The following ST6GALNAC3 variants were observed in gnomAD, a reference collection of about 807,000 sequenced individuals.
ST6GALNAC3 encodes the protein ST6 N-acetylgalactosaminide alpha-2,6-sialyltransferase 3.
In ST6GALNAC3, 25 loss-of-function variants were observed where a neutral mutation model predicts 32.7. The observed-to-expected ratio is 0.76, with a 90% confidence interval of 0.56 to 1.07. The LOEUF (loss-of-function observed/expected upper bound fraction) is 1.07. ST6GALNAC3 is among the 50% of genes least tolerant of loss of function. The probability of loss-of-function intolerance (pLI) is 0.00; values close to 1 mark genes in which losing one functional copy is unlikely to be tolerated. For missense variants in ST6GALNAC3, 355 were observed against 382.4 expected (o/e 0.93, Z 0.60); for synonymous variants, 129 against 133.1 (o/e 0.97, Z 0.21).
intron 3 of ST6GALNAC3, among the ~76,000 whole-genome samples, chr1:76,538,260 G>T (rs1377263798): frequency 6.6e-6 from 1 of 152,058 alleles, no homozygotes; most frequent in Non-Finnish European, 1.5e-5. Context: ...CAGAACCAAA[G>T]ACAAAAACCA....
In ST6GALNAC3 at chr1:76,183,951, T is replaced by A. The variant is rs919954724; in HGVS notation, c.18+109067T>A. ...ATATATATACATATACATAAATACA[T>A]AGCCCCACTTCTTCAGTCATGTGAA... is the stretch of plus-strand genomic sequence containing the variant. On this transcript the variant is annotated intron_variant, in intron 1 of 4. Transcript: ENST00000328299. Among the ~76,000 whole-genome samples the A allele has an allele frequency of 7.3e-5, 11 of 150,490 alleles. No homozygotes were observed. The East Asian group carries it at 2.1e-3, about 29-fold the overall frequency.
At chr1:76,339,367 G>A (rs1276995788) in intron 2 of ST6GALNAC3, among the ~76,000 whole-genome samples, 1 of 152,174 alleles carries the variant, frequency 6.6e-6, no homozygotes, top group East Asian at 1.9e-4. Context: ...AAGGAGCCAT[G>A]AGCCAGGCAT....
intron 1 of ST6GALNAC3, among the ~76,000 whole-genome samples, chr1:76,263,253 T>C (rs1021144636): frequency 2.0e-5 from 3 of 152,190 alleles, no homozygotes; most frequent in African/African-American, 7.2e-5. Flanking sequence ...GGATGGTCCT[T>C]GTAAGATACT....
At chr1:76,317,907 C>G (rs3862903) in intron 2 of ST6GALNAC3, among the ~76,000 whole-genome samples, 5,011 of 152,028 alleles carry the variant, frequency 0.033, 277 homozygotes, top group African/African-American at 0.11. Flanking sequence ...AAATCTGATT[C>G]TTTAGTTATC....
At chr1:76,441,629 A>G (rs1656614035) in intron 3 of ST6GALNAC3, among the ~76,000 whole-genome samples, 1 of 152,154 alleles carries the variant, frequency 6.6e-6, no homozygotes, top group African/African-American at 2.4e-5. Context: ...AAACAATCCA[A>G]TTACACTCTT....
intron 1 of ST6GALNAC3, among the ~76,000 whole-genome samples, chr1:76,142,609 C>T (rs1650399542): frequency 6.6e-6 from 1 of 152,164 alleles, no homozygotes; most frequent in Non-Finnish European, 1.5e-5. Flanking sequence ...GAAGGGAAGA[C>T]AGTCATCTTT....
intron 1 of ST6GALNAC3, among the ~76,000 whole-genome samples, chr1:76,109,166 G>A (rs1434405106): frequency 6.6e-6 from 1 of 152,090 alleles, no homozygotes; most frequent in Admixed American, 6.5e-5. Context: ...GGTTTATGTC[G>A]CAGACTTGCT....
intron 1 of ST6GALNAC3, among the ~76,000 whole-genome samples, chr1:76,247,242 CT>C (rs1657314714): frequency 6.6e-6 from 1 of 152,194 alleles, no homozygotes; most frequent in African/African-American, 2.4e-5. Context: ...CTATCGACCC[CT>C]GTCAGGAGGT....
chr1:76,598,741 A>T lies in ST6GALNAC3; in HGVS notation c.624-28711A>T, dbSNP rs917958889. Among the ~76,000 whole-genome samples the T allele has an allele frequency of 6.6e-4, 100 of 151,406 alleles. 1 individual carries two copies. The highest frequency in any genetic ancestry group is 1.1e-3 in the African/African-American group (44 of 41,090). ...CTGCCATAAATGCTTCACAAATTAA[A>T]AAAAAAAAAATGGTAAGCCTCCGTT... On this transcript the variant is annotated intron_variant, in intron 3 of 4. Transcript: ENST00000328299.
At chr1:76,421,602 T>C (rs751837536) in intron 3 of ST6GALNAC3, among the ~76,000 whole-genome samples, 29 of 152,150 alleles carry the variant, frequency 1.9e-4, no homozygotes, top group Middle Eastern at 3.4e-3. Flanking sequence ...AAAACTCTCA[T>C]AAAACAACCT....
At chr1:76,372,953 A>T (rs1222975413) in intron 2 of ST6GALNAC3, among the ~76,000 whole-genome samples, 1 of 151,780 alleles carries the variant, frequency 6.6e-6, no homozygotes, top group Admixed American at 6.6e-5. Context: ...TATTTTTTTT[A>T]ATTTTATTTA....
chr1:76,596,686 T>G (rs1469366974), intron 3 of ST6GALNAC3, among the ~76,000 whole-genome samples: 1 of 152,218 alleles, frequency 6.6e-6, no homozygotes, highest in Non-Finnish European at 1.5e-5. Context: ...TGGCTAGTTC[T>G]GTTAAGCCAT....
intron 1 of ST6GALNAC3, among the ~76,000 whole-genome samples, chr1:76,116,229 C>G (rs1384111826): frequency 6.6e-6 from 1 of 152,064 alleles, no homozygotes; most frequent in Non-Finnish European, 1.5e-5. Context: ...AGTTCAGGGA[C>G]AGGAGCTCAG....
At chr1:76,527,728 A>G (rs1663001278) in intron 3 of ST6GALNAC3, among the ~76,000 whole-genome samples, 1 of 152,132 alleles carries the variant, frequency 6.6e-6, no homozygotes, top group African/African-American at 2.4e-5. Flanking sequence ...AATGGACAAA[A>G]GCTGCCATTA....
chr1:76,328,719 T>C (rs1647128245), intron 2 of ST6GALNAC3, among the ~76,000 whole-genome samples: 1 of 152,204 alleles, frequency 6.6e-6, no homozygotes, highest in African/African-American at 2.4e-5. Flanking sequence ...TGGTAATATA[T>C]GCTCTCAATT....
At chr1:76,473,543 T>C (rs577583136) in intron 3 of ST6GALNAC3, among the ~76,000 whole-genome samples, 1 of 152,320 alleles carries the variant, frequency 6.6e-6, no homozygotes, top group South Asian at 2.1e-4. Context: ...TGCAGTGCTA[T>C]TGGGATGGTA....
At chr1:76,431,778 C>T (rs1049555046) in intron 3 of ST6GALNAC3, among the ~76,000 whole-genome samples, 3 of 151,964 alleles carry the variant, frequency 2.0e-5, no homozygotes, top group African/African-American at 4.8e-5. Flanking sequence ...TTATTAACAT[C>T]CCCCCCGCCC....
rs1440710189 is a variant in ST6GALNAC3 at position 76,470,187 on chromosome 1, C to G, written c.623+57770C>G. ...TTTTCCTGAATTTTCTTTCTAAAAT[C>G]TAGGTTCGGCAACAGAATAATCAAA... On this transcript the variant is annotated intron_variant, in intron 3 of 4. Transcript: ENST00000328299. 2.0e-5 allele frequency among the ~76,000 whole-genome samples: 3 copies of G among 152,100 alleles called. No individual in the cohort carries two copies. In the East Asian group the frequency reaches 5.8e-4, roughly 29 times the overall value.
chr1:76,344,512 T>A (rs1387690402), intron 2 of ST6GALNAC3, among the ~76,000 whole-genome samples: 1 of 152,206 alleles, frequency 6.6e-6, no homozygotes, highest in Non-Finnish European at 1.5e-5. Flanking sequence ...CACTAGAATG[T>A]AAACTCTATA....
Sources: allele counts gnomAD v4.1 joint callset (sites outside exome capture counted in the v4.1 genomes callset), GRCh38; gene constraint gnomAD v4.1.1; transcripts MANE v1.5; gene names NCBI Gene and HGNC (gene_info 2026-07-23, HGNC 2026-07-21).